The following C4orf36 variants were observed in gnomAD, a reference collection of about 807,000 sequenced individuals.
The protein encoded by C4orf36 is chromosome 4 open reading frame 36.
Under a neutral mutation model 12.2 loss-of-function variants are expected in C4orf36, and 11 were observed. The ratio of observed to expected loss-of-function variants is 0.90; its 90% CI spans 0.57 to 1.49. C4orf36 has a LOEUF of 1.49. C4orf36 is among the 40% of genes most tolerant of loss of function. The probability of loss-of-function intolerance (pLI) is 0.00; values close to 1 mark genes in which losing one functional copy is unlikely to be tolerated. For synonymous variants in C4orf36, 54 were observed against 51.3 expected (o/e 1.05, Z -0.22); for missense variants, 137 against 133.9 (o/e 1.02, Z -0.11).
At chr4:86,921,638 ATTT>A in the C4orf36 span, among the ~76,000 whole-genome samples, 46 of 152,294 alleles carry the variant, frequency 3.0e-4, no homozygotes, top group Admixed American at 2.4e-3. Context: ...CAGTATTAAA[ATTT>A]TTTAATTTTA....
chr4:86,900,025 G>A, the C4orf36 span, among the ~76,000 whole-genome samples: 2 of 151,804 alleles, frequency 1.3e-5, no homozygotes, highest in Non-Finnish European at 2.9e-5. Flanking sequence ...CAAAATGTAG[G>A]TGTGATAGGC....
the C4orf36 span, among the ~76,000 whole-genome samples, chr4:86,918,120 T>G: frequency 1.3e-5 from 2 of 152,204 alleles, no homozygotes; most frequent in African/African-American, 4.8e-5. Flanking sequence ...CTTTTTTTAT[T>G]TTTAAGGGCA....
At chr4:86,930,107 C>T in the C4orf36 span, among the ~76,000 whole-genome samples, 21 of 152,252 alleles carry the variant, frequency 1.4e-4, no homozygotes, top group African/African-American at 4.8e-4. Context: ...ACCTCCAATC[C>T]TGCTCCACCG....
the C4orf36 span, among the ~76,000 whole-genome samples, chr4:86,899,031 C>T: frequency 8.5e-5 from 13 of 152,172 alleles, no homozygotes; most frequent in African/African-American, 3.1e-4. Context: ...GTCAAGGCTG[C>T]AGTGAGCCAC....
At chr4:86,903,802 G>A in the C4orf36 span, among the ~76,000 whole-genome samples, 1 of 152,136 alleles carries the variant, frequency 6.6e-6, no homozygotes, top group Non-Finnish European at 1.5e-5. Flanking sequence ...TTTTGACAGG[G>A]TGCTGATTGG....
At chr4:86,903,414 C>T in the C4orf36 span, among the ~76,000 whole-genome samples, 2 of 152,168 alleles carry the variant, frequency 1.3e-5, no homozygotes, top group African/African-American at 2.4e-5. Context: ...CGTAATCAGT[C>T]GGTTCTTGGT....
the C4orf36 span, among the ~76,000 whole-genome samples, chr4:86,902,437 A>G: frequency 8.6e-5 from 13 of 151,164 alleles, no homozygotes; most frequent in South Asian, 2.1e-3. Flanking sequence ...AAAAAAAAAA[A>G]AAAAAGAAAG....
the C4orf36 span, among the ~76,000 whole-genome samples, chr4:86,905,661 C>T: frequency 6.6e-6 from 1 of 151,426 alleles, no homozygotes; most frequent in Non-Finnish European, 1.5e-5. Context: ...AACCACAGTC[C>T]CCATTATCCA....
intron 4 of C4orf36, among the ~76,000 whole-genome samples, chr4:86,884,159 C>T (rs961371031): frequency 6.6e-6 from 1 of 152,134 alleles, no homozygotes; most frequent in Non-Finnish European, 1.5e-5. Flanking sequence ...ATCAATTCCC[C>T]ATCCCCCATC....
chr4:86,908,259 TA>T, the C4orf36 span, among the ~76,000 whole-genome samples: 6 of 150,056 alleles, frequency 4.0e-5, no homozygotes, highest in South Asian at 1.1e-3. Flanking sequence ...TGTTTATGGG[TA>T]GGGGCAGAAG....
At chr4:86,887,434 T>C (rs1168846863) in intron 4 of C4orf36, 3 of 218,012 alleles carry the variant, frequency 1.4e-5, no homozygotes, top group Non-Finnish European at 2.7e-5. Context: ...ATATTTAAGA[T>C]GTCTTTTGAA....
At chr4:86,888,664 A>T (rs1747276082) in intron 2 of C4orf36, among the ~76,000 whole-genome samples, 1 of 152,204 alleles carries the variant, frequency 6.6e-6, no homozygotes, top group African/African-American at 2.4e-5. Context: ...CTTGGCACAG[A>T]CTAAGGTTTT....
rs768990997 is a variant in C4orf36 at position 86,888,103 on chromosome 4, A to G, written c.220+18T>C. ...CACTGAATTTATAACTTATTAAAGCAGAACTTAAGGAACTTACATTCTGCA... is the reference window on the plus strand; with the variant it reads ...CACTGAATTTATAACTTATTAAAGCGGAACTTAAGGAACTTACATTCTGCA... On this transcript the variant is annotated intron_variant, in intron 3 of 4. Coordinates refer to ENST00000295898, the MANE Select transcript of C4orf36 (RefSeq NM_144645.4). 2 of 1,604,050 alleles carry G rather than the reference A, an allele frequency of 1.2e-6. No individual in the cohort carries two copies. Among genetic ancestry groups the G allele is most frequent in the Non-Finnish European group, 1.7e-6 (2 of 1,175,394 alleles).
the C4orf36 span, among the ~76,000 whole-genome samples, chr4:86,900,025 G>T: frequency 6.6e-6 from 1 of 151,804 alleles, no homozygotes; most frequent in East Asian, 1.9e-4. Context: ...CAAAATGTAG[G>T]TGTGATAGGC....
chr4:86,908,049 T>C, the C4orf36 span, among the ~76,000 whole-genome samples: 1 of 152,036 alleles, frequency 6.6e-6, no homozygotes, highest in Non-Finnish European at 1.5e-5. Flanking sequence ...ACACATTTGC[T>C]CCCTACTCAT....
chr4:86,901,061 C>G, the C4orf36 span, among the ~76,000 whole-genome samples: 9 of 151,452 alleles, frequency 5.9e-5, no homozygotes, highest in African/African-American at 2.2e-4. Context: ...CTCGGCTCAC[C>G]ACAACCTCTG....
the C4orf36 span, among the ~76,000 whole-genome samples, chr4:86,902,827 A>G: frequency 3.9e-5 from 6 of 152,252 alleles, no homozygotes; most frequent in East Asian, 1.2e-3. Context: ...TGTTTTGATC[A>G]TCATCTATTG....
chr4:86,906,570 A>C, the C4orf36 span, among the ~76,000 whole-genome samples: 1 of 151,034 alleles, frequency 6.6e-6, no homozygotes, highest in South Asian at 2.1e-4. Context: ...TCTACCAAAA[A>C]CACAAAAATT....
At position 86,891,473 on chromosome 4, in the gene C4orf36, C is replaced by T. The variant is rs1346876280; in HGVS notation, c.48G>A (p.Arg16=). 6.2e-7 allele frequency: 1 copy of T among 1,613,810 alleles called. No individual in the cohort carries two copies. Among genetic ancestry groups the T allele is most frequent in the Non-Finnish European group, 8.5e-7 (1 of 1,180,004 alleles). The change falls in exon 2 of 5, where the codon CGG becomes CGA. Residue 16 remains arginine (R), a synonymous_variant. Coordinates refer to ENST00000295898, the MANE Select transcript of C4orf36 (RefSeq NM_144645.4). ...GTACTTACACATTATAACAACTGCC[C>T]CGCAAAATGGTTTTCACTGTGTTCT... ...PRKNTVKTIL[R]GSCYNVQEPW... is the part of the protein sequence containing the mutation.
Sources: gnomAD v4.1 joint callset for allele counts (sites outside exome capture counted in the v4.1 genomes callset) on GRCh38, gnomAD v4.1.1 for gene constraint, MANE v1.5 for transcripts, NCBI Gene and HGNC (gene_info 2026-07-23, HGNC 2026-07-21) for gene names.